The following C4orf51 variants were observed in gnomAD, a reference collection of about 807,000 sequenced individuals.
C4orf51 encodes chromosome 4 open reading frame 51, also known as uncharacterized protein C4orf51.
C4orf51 carries 25 observed loss-of-function variants against 25.2 expected under a neutral mutation model. The ratio of observed to expected loss-of-function variants is 0.99; its 90% confidence interval spans 0.72 to 1.39. The LOEUF (loss-of-function observed/expected upper bound fraction) is 1.39, where lower values mean the gene tolerates loss of function less well. Among genes scored for constraint, C4orf51 ranks in the 40% most tolerant of loss-of-function variants. C4orf51 has a pLI of 0.00. For missense variants in C4orf51, 252 were observed against 239.6 expected, an observed-to-expected ratio of 1.05 and a Z score of -0.34; for synonymous variants, 100 against 84.5, an observed-to-expected ratio of 1.18 and a Z score of -1.01.
intron 2 of C4orf51, among the ~76,000 whole-genome samples, chr4:145,708,023 A>G (rs1315853103): frequency 6.6e-6 from 1 of 152,202 alleles, no homozygotes; most frequent in Admixed American, 6.5e-5. Context: ...GGGGCAAGCC[A>G]TGGACATAGC....
chr4:145,730,376 CT>C (rs1732394563), intron 5 of C4orf51, among the ~76,000 whole-genome samples: 1 of 152,136 alleles, frequency 6.6e-6, no homozygotes, highest in African/African-American at 2.4e-5. Context: ...TGTGCCCGTC[CT>C]GCCACTCAGC....
In C4orf51 at chr4:145,765,849, C is replaced by T. The variant is rs1735206255; in HGVS notation, n.167-5139C>T. 4.5e-6 allele frequency: 5 copies of T among 1,103,132 alleles called. No homozygotes were observed. The highest frequency in any genetic ancestry group is 5.1e-6 in the Non-Finnish European group (4 of 783,594). The allele number at this position is 1,103,132 out of a possible 1,614,324, so 68.3% of individuals were successfully genotyped here. On this transcript the variant is annotated intron_variant and non_coding_transcript_variant, in intron 1 of 1. Transcript: ENST00000510096. The surrounding 1 kb of genome is among the most constrained non-coding windows in gnomAD (Gnocchi z 4.7). ...TGGATGCATCATCATTCTGGGGGCA[C>T]AGGCTCATGTCCCCAGCTCCCCCAC...
chr4:145,773,809 T>C (rs760683080), downstream of C4orf51, among the ~76,000 whole-genome samples: 1 of 152,104 alleles, frequency 6.6e-6, no homozygotes, highest in Admixed American at 6.5e-5. Context: ...CCATGCGTCA[T>C]TAAGGAGAGC....
chr4:145,710,676 T>C (rs1731083152), intron 2 of C4orf51, among the ~76,000 whole-genome samples: 1 of 152,196 alleles, frequency 6.6e-6, no homozygotes, highest in Non-Finnish European at 1.5e-5. Flanking sequence ...TCAGGTGTTT[T>C]GGTTTATTGA....
chr4:145,765,218 G>T lies in C4orf51; in HGVS notation n.167-5770G>T. 1 of 1,516,692 alleles carries T rather than the reference G, an allele frequency of 6.6e-7. No homozygotes were observed. The allele number at this position is 1,516,692 out of a possible 1,614,324, so 94.0% of individuals were successfully genotyped here. On this transcript the variant is annotated intron_variant and non_coding_transcript_variant, in intron 1 of 1. Coordinates refer to the C4orf51 transcript ENST00000510096. This position sits in a 1 kb window ranked among gnomAD's most constrained non-coding sequence, Gnocchi z 4.7. The stretch of plus-strand genomic sequence containing the variant: ...GTGCACAGGGCAGCGGGGAGAGGAG[G>T]GCAGGAGTGGAGCCAAGCTCCTCCC...
chr4:145,689,293 G>T (rs565764467), intron 1 of C4orf51, among the ~76,000 whole-genome samples: 1 of 152,236 alleles, frequency 6.6e-6, no homozygotes, highest in East Asian at 1.9e-4. Flanking sequence ...TTAAAATTAA[G>T]TAGTTCTATT....
At chr4:145,764,723 T>G in intron 1 of C4orf51, 1 of 497,472 alleles carries the variant, frequency 2.0e-6, no homozygotes, top group South Asian at 2.2e-5. Context: ...TCTTGCATGC[T>G]GGGTTGTTTC....
intron 1 of C4orf51, among the ~76,000 whole-genome samples, chr4:145,769,469 T>C (rs1359422614): frequency 1.3e-5 from 2 of 152,158 alleles, no homozygotes; most frequent in Non-Finnish European, 2.9e-5. Context: ...TCAACTACCA[T>C]CTCTAAACAT....
At chr4:145,774,621 G>A, downstream of C4orf51, 1 of 1,613,922 alleles carries the variant, frequency 6.2e-7, no homozygotes, top group Non-Finnish European at 8.5e-7. Context: ...GGAGTGACAT[G>A]TGGCTGACAA....
chr4:145,771,040 TTA>T (rs1736205285), downstream of C4orf51: 1 of 152,222 alleles, frequency 6.6e-6, no homozygotes, highest in Non-Finnish European at 1.5e-5. Context: ...TGGTAAGTGG[TTA>T]GCTTTTATTT....
intron 2 of C4orf51, among the ~76,000 whole-genome samples, chr4:145,715,366 A>G (rs57145886): frequency 0.055 from 8,308 of 152,104 alleles, 304 homozygotes; most frequent in South Asian, 0.14. Context: ...TGGGGTGAGA[A>G]ACAAGTGGGC....
downstream of C4orf51, chr4:145,757,576 G>A (rs1003949474): frequency 1.3e-5 from 2 of 149,908 alleles, no homozygotes; most frequent in Non-Finnish European, 3.0e-5. Flanking sequence ...ATAACCCTGA[G>A]ACCAACAAGC....
At chr4:145,791,552 G>A in the C4orf51 span, among the ~76,000 whole-genome samples, 1 of 152,154 alleles carries the variant, frequency 6.6e-6, no homozygotes, top group African/African-American at 2.4e-5. Context: ...ATAATAAGTA[G>A]CATAGTTGGC....
chr4:145,699,363 C>T (rs1014312439), intron 2 of C4orf51, among the ~76,000 whole-genome samples: 16 of 146,028 alleles, frequency 1.1e-4, no homozygotes, highest in African/African-American at 2.8e-4. Flanking sequence ...GATCCACCTA[C>T]GACCTCAGGT....
intron 1 of C4orf51, among the ~76,000 whole-genome samples, chr4:145,769,608 C>T (rs1735934980): frequency 6.6e-6 from 1 of 152,180 alleles, no homozygotes; most frequent in African/African-American, 2.4e-5. Flanking sequence ...AATCCCTAGT[C>T]CAAACAGCCT....
At chr4:145,699,266 C>T (rs34990258) in intron 2 of C4orf51, among the ~76,000 whole-genome samples, 35,712 of 85,156 alleles carry the variant, frequency 0.42, 9,091 homozygotes, top group Admixed American at 0.49. Context: ...CACACGGATG[C>T]GCAAGAAATT....
downstream of C4orf51, among the ~76,000 whole-genome samples, chr4:145,737,153 A>G (rs573029318): frequency 1.8e-4 from 27 of 152,252 alleles, no homozygotes; most frequent in African/African-American, 6.3e-4. Context: ...CTTAGACCCA[A>G]TGACGTTGTC....
At chr4:145,705,095 T>C (rs1578960150) in intron 2 of C4orf51, among the ~76,000 whole-genome samples, 2 of 152,208 alleles carry the variant, frequency 1.3e-5, no homozygotes, top group East Asian at 3.8e-4. Context: ...GCATGCACAG[T>C]GTGTTTACTG....
chr4:145,744,616 T>G (rs1488141532), intron 1 of C4orf51, among the ~76,000 whole-genome samples: 1 of 151,830 alleles, frequency 6.6e-6, no homozygotes, highest in African/African-American at 2.4e-5. Flanking sequence ...GGTCAGGAGA[T>G]CGAGACCATC....
Sources: gnomAD v4.1 joint callset for allele counts (sites outside exome capture counted in the v4.1 genomes callset) on GRCh38, gnomAD v4.1.1 for gene constraint, Gnocchi (gnomAD v3.1) non-coding constraint, MANE v1.5 for transcripts, NCBI Gene and HGNC (gene_info 2026-07-23, HGNC 2026-07-21) for gene names.